ANKFN1: variants seen among roughly 807,000 people sequenced by gnomAD.
The protein encoded by ANKFN1 is ankyrin repeat and fibronectin type III domain containing 1, also known as ankyrin repeat and fibronectin type-III domain-containing protein 1.
A neutral mutation model predicts 108.7 loss-of-function variants in ANKFN1; 74 were observed. The observed-to-expected ratio is 0.68, with a 90% CI of 0.56 to 0.83. The LOEUF (loss-of-function observed/expected upper bound fraction) is 0.83. Among genes scored for constraint, ANKFN1 ranks in the 40% least tolerant of loss-of-function variants. The pLI is 0.00. For synonymous variants in ANKFN1, 547 were observed against 516.2 expected (o/e 1.06, Z -0.81); for missense variants, 1,505 against 1,382.3 (o/e 1.09, Z -1.41).
At position 56,176,785 on chromosome 17, in the gene ANKFN1, A is replaced by T. The variant is rs1291553500; in HGVS notation, c.-71+23255A>T. On this transcript the variant is annotated intron_variant, in intron 1 of 20. Transcript: ENST00000682825. The stretch of plus-strand genomic sequence containing the variant: ...AGGACAAAGATGAAGGTAGAGCCAG[A>T]AAGAGCTGAACACTCCAGCTTATGT... Among the ~76,000 whole-genome samples, 3 of 152,226 alleles carry T rather than the reference A, an allele frequency of 2.0e-5. No homozygotes were observed. In the East Asian group the frequency reaches 5.8e-4, roughly 29 times the overall value.
At chr17:56,387,469 T>A (rs912857284) in intron 8 of ANKFN1, among the ~76,000 whole-genome samples, 1 of 152,242 alleles carries the variant, frequency 6.6e-6, no homozygotes, top group Non-Finnish European at 1.5e-5. Flanking sequence ...GGTGTATTTT[T>A]ATCGTTAATG....
chr17:56,112,150 TTATTAG>T (rs987243981), intron 4 of ANKFN1, among the ~76,000 whole-genome samples: 2 of 152,166 alleles, frequency 1.3e-5, no homozygotes, highest in African/African-American at 4.8e-5. Flanking sequence ...ATGCTGTCTT[TTATTAG>T]AGCAAGAAGT....
intron 1 of ANKFN1, among the ~76,000 whole-genome samples, chr17:56,202,362 T>C (rs930730553): frequency 6.6e-6 from 1 of 152,308 alleles, no homozygotes; most frequent in Non-Finnish European, 1.5e-5. Flanking sequence ...GGGTGGCTTT[T>C]GTATGGTTAC....
At chr17:56,144,493 A>G (rs901191618) in intron 4 of ANKFN1, among the ~76,000 whole-genome samples, 3 of 152,172 alleles carry the variant, frequency 2.0e-5, no homozygotes, top group Admixed American at 1.3e-4. Flanking sequence ...GGAGATAGAC[A>G]AGTAGCTTGG....
At chr17:56,416,419 A>G (rs572146839) in intron 8 of ANKFN1, among the ~76,000 whole-genome samples, 1 of 152,250 alleles carries the variant, frequency 6.6e-6, no homozygotes, top group African/African-American at 2.4e-5. Context: ...TTCTCAAAAG[A>G]AGACATACAA....
intron 3 of ANKFN1, among the ~76,000 whole-genome samples, chr17:56,279,498 T>C (rs966476223): frequency 7.2e-5 from 11 of 152,164 alleles, no homozygotes; most frequent in Non-Finnish European, 1.6e-4. Flanking sequence ...AGCTCGAAAA[T>C]TGACAACACA....
chr17:56,146,609 C>A (rs190482679), intron 4 of ANKFN1, among the ~76,000 whole-genome samples: 128 of 152,358 alleles, frequency 8.4e-4, no homozygotes, highest in Middle Eastern at 3.4e-3. Flanking sequence ...CCCCCTGAAG[C>A]AATGGCCTGA....
chr17:56,504,519 T>G (rs2051487320), intron 20 of ANKFN1, among the ~76,000 whole-genome samples: 1 of 152,214 alleles, frequency 6.6e-6, no homozygotes, highest in African/African-American at 2.4e-5. Flanking sequence ...TATTCACCTT[T>G]ATTATCAACA....
chr17:56,195,621 C>T (rs1419284271), intron 1 of ANKFN1, among the ~76,000 whole-genome samples: 1 of 152,188 alleles, frequency 6.6e-6, no homozygotes, highest in Admixed American at 6.5e-5. Context: ...TGCTTATATA[C>T]TCAAAGCAAA....
intron 13 of ANKFN1, 62 bp from the exon 14 acceptor site, chr17:56,457,801 T>C (rs945168660): frequency 8.5e-6 from 11 of 1,286,728 alleles, no homozygotes; most frequent in Non-Finnish European, 1.2e-5. Flanking sequence ...TTTGCTTTGA[T>C]GCCACAACCT....
chr17:56,418,615 T>C (rs949407948), intron 8 of ANKFN1, among the ~76,000 whole-genome samples: 5 of 152,088 alleles, frequency 3.3e-5, no homozygotes, highest in Non-Finnish European at 7.4e-5. Context: ...TGGAATTTAA[T>C]AATAAAATTA....
chr17:56,363,884 TTGAACTCA>T (rs1441706982), intron 6 of ANKFN1, among the ~76,000 whole-genome samples: 3 of 152,096 alleles, frequency 2.0e-5, no homozygotes, highest in African/African-American at 7.2e-5. Flanking sequence ...TCTAAAACGA[TTGAACTCA>T]TAGAAGCAGA....
At chr17:56,293,498 A>G (rs917552104) in intron 3 of ANKFN1, among the ~76,000 whole-genome samples, 2 of 152,182 alleles carry the variant, frequency 1.3e-5, no homozygotes, top group African/African-American at 2.4e-5. Flanking sequence ...TCTTGCACAT[A>G]TGCACTGGTT....
chr17:56,181,500 T>A (rs1248862719), intron 1 of ANKFN1, among the ~76,000 whole-genome samples: 1 of 152,210 alleles, frequency 6.6e-6, no homozygotes, highest in Admixed American at 6.5e-5. Context: ...ATGAAGTGAC[T>A]AACCTAAGAT....
At chr17:56,109,360 TG>T (rs1424307673) in intron 4 of ANKFN1, among the ~76,000 whole-genome samples, 5 of 152,114 alleles carry the variant, frequency 3.3e-5, no homozygotes, top group African/African-American at 1.2e-4. Flanking sequence ...ATTAACATTT[TG>T]GGGCCAGATA....
chr17:56,129,766 G>A (rs570086900), intron 4 of ANKFN1, among the ~76,000 whole-genome samples: 1 of 152,300 alleles, frequency 6.6e-6, no homozygotes, highest in African/African-American at 2.4e-5. Context: ...GCCTGTTTGG[G>A]TAAGGAAAGC....
intron 8 of ANKFN1, among the ~76,000 whole-genome samples, chr17:56,379,090 G>A (rs906874738): frequency 1.3e-5 from 2 of 152,108 alleles, no homozygotes; most frequent in Non-Finnish European, 2.9e-5. Flanking sequence ...ACTATATTGT[G>A]TAGGAATATA....
intron 1 of ANKFN1, among the ~76,000 whole-genome samples, chr17:56,164,432 C>T (rs532779728): frequency 2.6e-5 from 4 of 152,244 alleles, no homozygotes; most frequent in African/African-American, 4.8e-5. Flanking sequence ...CTGTTTCTAT[C>T]GAGACTCTGT....
At chr17:56,173,383 A>G (rs1910852552) in intron 1 of ANKFN1, among the ~76,000 whole-genome samples, 1 of 152,182 alleles carries the variant, frequency 6.6e-6, no homozygotes, top group Non-Finnish European at 1.5e-5. Context: ...TCACCTTGTC[A>G]GTGAGGCTTT....
Sources: allele counts gnomAD v4.1 joint callset (sites outside exome capture counted in the v4.1 genomes callset), GRCh38; gene constraint gnomAD v4.1.1; transcripts MANE v1.5; gene names NCBI Gene and HGNC (gene_info 2026-07-23, HGNC 2026-07-21).